Variants in FBXO42 observed in about 807,000 individuals in gnomAD.
FBXO42 encodes F-box only protein 42.
FBXO42 carries 12 observed loss-of-function variants against 71.7 expected under a neutral mutation model. The observed-to-expected ratio is 0.17, with a 90% CI of 0.11 to 0.27. FBXO42 has a LOEUF of 0.27. Ranked by LOEUF, FBXO42 falls within the 10% of genes least tolerant of loss-of-function variation. The probability of loss-of-function intolerance (pLI) is 1.00; values close to 1 mark genes in which losing one functional copy is unlikely to be tolerated. For missense variants in FBXO42, 707 were observed against 911.9 expected (o/e 0.78, Z 2.89); for synonymous variants, 325 against 327.5 (o/e 0.99, Z 0.08).
intron 2 of FBXO42, among the ~76,000 whole-genome samples, chr1:16,311,835 T>C (rs2082316219): frequency 6.6e-6 from 1 of 152,062 alleles, no homozygotes; most frequent in Admixed American, 6.6e-5. Flanking sequence ...GCTCTTACCA[T>C]ATGATCCAGC....
intron 4 of FBXO42, among the ~76,000 whole-genome samples, chr1:16,290,047 G>C (rs2082062655): frequency 6.6e-6 from 1 of 152,170 alleles, no homozygotes; most frequent in Non-Finnish European, 1.5e-5. Flanking sequence ...GGCCACAAAA[G>C]CAGGTGTAAA....
intron 4 of FBXO42, among the ~76,000 whole-genome samples, chr1:16,283,275 T>C (rs1257567924): frequency 3.3e-5 from 5 of 152,088 alleles, no homozygotes; most frequent in Admixed American, 6.6e-5. Context: ...GAGTGCATTT[T>C]TCTAAAACAA....
chr1:16,344,418 A>C (rs1365884114), intron 1 of FBXO42, among the ~76,000 whole-genome samples: 1 of 150,910 alleles, frequency 6.6e-6, no homozygotes, highest in Non-Finnish European at 1.5e-5. Flanking sequence ...TCCCAGGTAC[A>C]AGTGATTCTC....
intron 3 of FBXO42, among the ~76,000 whole-genome samples, chr1:16,296,316 C>T (rs1429208113): frequency 1.3e-5 from 2 of 152,044 alleles, no homozygotes; most frequent in Admixed American, 6.6e-5. Flanking sequence ...GTGAAACTAA[C>T]GGTTCAGTGT....
chr1:16,270,884 C>T (rs1474341396), intron 4 of FBXO42, among the ~76,000 whole-genome samples: 1 of 150,068 alleles, frequency 6.7e-6, no homozygotes, highest in Non-Finnish European at 1.5e-5. Flanking sequence ...CCCCAGGAAG[C>T]GTATAGCTTG....
At chr1:16,271,863 G>A (rs945695213) in intron 4 of FBXO42, among the ~76,000 whole-genome samples, 10 of 151,686 alleles carry the variant, frequency 6.6e-5, no homozygotes, top group Non-Finnish European at 1.3e-4. Context: ...TGTAGGCTGG[G>A]CGCAGTGGCT....
intron 4 of FBXO42, among the ~76,000 whole-genome samples, chr1:16,259,777 A>AG (rs1557571633): frequency 2.0e-5 from 3 of 151,698 alleles, no homozygotes; most frequent in African/African-American, 7.3e-5. Context: ...AAAAAAAAAA[A>AG]AAAGAAAGAA....
intron 1 of FBXO42, among the ~76,000 whole-genome samples, chr1:16,341,974 A>G (rs7526366): frequency 0.048 from 3,856 of 80,610 alleles, 166 homozygotes; most frequent in African/African-American, 0.12. Context: ...TCCGTCTCCA[A>G]AAAAAAAAAA....
At chr1:16,350,474 CG>C (rs2082688135) in intron 1 of FBXO42, among the ~76,000 whole-genome samples, 1 of 145,060 alleles carries the variant, frequency 6.9e-6, no homozygotes, top group Admixed American at 7.4e-5. Context: ...AGGCTGGGCA[CG>C]GTGGCTCAAG....
At chr1:16,276,844 A>G (rs1281427980) in intron 4 of FBXO42, among the ~76,000 whole-genome samples, 1 of 152,244 alleles carries the variant, frequency 6.6e-6, no homozygotes, top group South Asian at 2.1e-4. Context: ...GGATCACAGC[A>G]TGTAGATTTG....
At position 16,348,747 on chromosome 1, in the gene FBXO42, G is replaced by A. The variant is rs117535776; in HGVS notation, c.-18+3508C>T. Among the ~76,000 whole-genome samples, 106 of 152,180 alleles carry A rather than the reference G, an allele frequency of 7.0e-4. 1 individual carries two copies. In the East Asian group the frequency reaches 0.02, roughly 29 times the overall value. ...AAAGTTTAGTGTAATTCTCACTTAA[G>A]CGGTCAGCTTCAATCAAAAAGGAAT... On this transcript the variant is annotated intron_variant, in intron 1 of 9. Coordinates refer to ENST00000375592, the MANE Select transcript of FBXO42 (RefSeq NM_018994.3).
intron 1 of FBXO42, among the ~76,000 whole-genome samples, chr1:16,317,601 G>GCAAACAAA (rs35197526): frequency 1.3e-5 from 2 of 150,744 alleles, no homozygotes; most frequent in Non-Finnish European, 1.5e-5. Context: ...TCTCAAACAA[G>GCAAACAAA]CAAACAAACA....
intron 2 of FBXO42, among the ~76,000 whole-genome samples, chr1:16,310,870 C>T (rs1050085458): frequency 6.6e-6 from 1 of 151,348 alleles, no homozygotes; most frequent in Non-Finnish European, 1.5e-5. Context: ...GCTAAAAATA[C>T]AAAAATTGCC....
chr1:16,348,624 C>A (rs2100649338), intron 1 of FBXO42, among the ~76,000 whole-genome samples: 1 of 152,186 alleles, frequency 6.6e-6, no homozygotes, highest in South Asian at 2.1e-4. Context: ...TCGCTGGAAC[C>A]CGGGAGGTAG....
intron 4 of FBXO42, among the ~76,000 whole-genome samples, chr1:16,287,190 A>C (rs924362832): frequency 6.6e-6 from 1 of 152,182 alleles, no homozygotes; most frequent in Non-Finnish European, 1.5e-5. Flanking sequence ...TCCCTTGACT[A>C]TATCAAGCAC....
At chr1:16,304,676 A>C (rs1211348813) in intron 3 of FBXO42, among the ~76,000 whole-genome samples, 1 of 152,156 alleles carries the variant, frequency 6.6e-6, no homozygotes, top group African/African-American at 2.4e-5. Flanking sequence ...AAATCCAATG[A>C]AAAAGCAGAG....
intron 4 of FBXO42, among the ~76,000 whole-genome samples, chr1:16,286,847 ATTGCT>A (rs758782831): frequency 6.6e-6 from 1 of 152,278 alleles, no homozygotes; most frequent in Non-Finnish European, 1.5e-5. Flanking sequence ...AGTCATCTTG[ATTGCT>A]TTCTTTCTCT....
chr1:16,338,354 C>CAAAAAAAAA (rs55865669), intron 1 of FBXO42, among the ~76,000 whole-genome samples: 5 of 108,150 alleles, frequency 4.6e-5, no homozygotes, highest in East Asian at 2.7e-4. Flanking sequence ...GCCCTATCTC[C>CAAAAAAAAA]AAAAAAAAAA....
intron 1 of FBXO42, among the ~76,000 whole-genome samples, chr1:16,331,405 A>C (rs2082499188): frequency 6.7e-6 from 1 of 149,822 alleles, no homozygotes; most frequent in South Asian, 2.1e-4. Flanking sequence ...ACAGAGCGAG[A>C]CTCTGTCTCA....
Sources: gnomAD v4.1 joint callset for allele counts (sites outside exome capture counted in the v4.1 genomes callset) on GRCh38, gnomAD v4.1.1 for gene constraint, MANE v1.5 for transcripts, NCBI Gene and HGNC (gene_info 2026-07-23, HGNC 2026-07-21) for gene names.